The following SLIT3 variants were observed in gnomAD, a reference collection of about 807,000 sequenced individuals.
SLIT3 encodes slit homolog 3 protein.
Under a neutral mutation model 184.0 loss-of-function variants are expected in SLIT3, and 68 were observed. That is an observed-to-expected ratio of 0.37 (90% CI 0.30 to 0.45). The LOEUF (loss-of-function observed/expected upper bound fraction) is 0.45, where lower values mean the gene tolerates loss of function less well. Ranked by LOEUF, SLIT3 falls within the 20% of genes least tolerant of loss-of-function variation. The probability of loss-of-function intolerance (pLI) is 1.00; values close to 1 mark genes in which losing one functional copy is unlikely to be tolerated. For synonymous variants in SLIT3, 831 were observed against 828.6 expected, an observed-to-expected ratio of 1.00 and a Z score of -0.05; for missense variants, 1,707 against 2,026.0, an observed-to-expected ratio of 0.84 and a Z score of 3.02.
intron 9 of SLIT3, among the ~76,000 whole-genome samples, chr5:168,799,825 G>A (rs11747556): frequency 0.54 from 82,227 of 151,860 alleles, 24,197 homozygotes; most frequent in African/African-American, 0.79. Context: ...TATTATTAAT[G>A]TACTCATTTT....
At chr5:168,738,937 C>CAAAAAAAAA (rs34133933) in intron 20 of SLIT3, among the ~76,000 whole-genome samples, 23 of 84,296 alleles carry the variant, frequency 2.7e-4, no homozygotes, top group African/African-American at 1.0e-3. Flanking sequence ...GACTCCATCT[C>CAAAAAAAAA]AAAAAAAAAA....
intron 5 of SLIT3, among the ~76,000 whole-genome samples, chr5:168,856,602 G>A (rs962090016): frequency 1.3e-5 from 2 of 152,164 alleles, no homozygotes; most frequent in African/African-American, 4.8e-5. Context: ...AAACTTGATG[G>A]AAGGAGAAAA....
chr5:168,907,977 T>TAGAGAGAGAGAGAGAG (rs1306645535), intron 4 of SLIT3, among the ~76,000 whole-genome samples: 8 of 62,240 alleles, frequency 1.3e-4, no homozygotes, highest in Admixed American at 4.0e-4. Flanking sequence ...TATATATATA[T>TAGAGAGAGAGAGAGAG]ATAGAGAGAG....
At chr5:169,143,001 G>T (rs573450306) in intron 4 of SLIT3, among the ~76,000 whole-genome samples, 1 of 152,234 alleles carries the variant, frequency 6.6e-6, no homozygotes, top group Non-Finnish European at 1.5e-5. Context: ...GCCCCAGGGA[G>T]AATGATGCTG....
chr5:168,846,779 A>G (rs903851827), intron 5 of SLIT3, among the ~76,000 whole-genome samples: 1 of 152,148 alleles, frequency 6.6e-6, no homozygotes, highest in Non-Finnish European at 1.5e-5. Flanking sequence ...TATTTACTGG[A>G]TTTGTGAAGC....
intron 4 of SLIT3, among the ~76,000 whole-genome samples, chr5:169,002,911 A>G (rs1755769789): frequency 6.6e-6 from 1 of 152,228 alleles, no homozygotes; most frequent in Non-Finnish European, 1.5e-5. Flanking sequence ...TATTAGTTAC[A>G]TATAGGTTTT....
At chr5:168,778,337 C>T (rs772754702) in intron 12 of SLIT3, among the ~76,000 whole-genome samples, 55 of 152,360 alleles carry the variant, frequency 3.6e-4, no homozygotes, top group African/African-American at 1.3e-3. Context: ...GCCTGTTTCA[C>T]TCCAAAGCCA....
chr5:168,711,807 AT>A lies in SLIT3; in HGVS notation c.2555+475del, dbSNP rs1198190123. 3.9e-5 allele frequency among the ~76,000 whole-genome samples: 6 copies of A among 152,234 alleles called. No individual in the cohort carries two copies. The South Asian group carries it at 6.2e-4, about 16-fold the overall frequency. On this transcript the variant is annotated intron_variant, in intron 24 of 35. Transcript: ENST00000519560. ...GTCAAACTTTAGCTAGTCACCTAAT[AT>A]TTATGGGCCTCAGTTTTTCCTGTGT...
intron 4 of SLIT3, among the ~76,000 whole-genome samples, chr5:168,897,097 T>C (rs1249311172): frequency 6.7e-6 from 1 of 149,000 alleles, no homozygotes; most frequent in Middle Eastern, 3.2e-3. Flanking sequence ...GTCTTGGGGC[T>C]TACATTTCAA....
At chr5:168,937,605 C>A (rs1006465496) in intron 4 of SLIT3, among the ~76,000 whole-genome samples, 1 of 152,000 alleles carries the variant, frequency 6.6e-6, no homozygotes, top group African/African-American at 2.4e-5. Context: ...GAACGGGAGG[C>A]CTGGCATTCT....
At chr5:169,133,933 A>G (rs769429718) in intron 4 of SLIT3, among the ~76,000 whole-genome samples, 1 of 152,198 alleles carries the variant, frequency 6.6e-6, no homozygotes. Context: ...TGCCAAACAA[A>G]TTGCTGTACT....
At chr5:169,248,880 C>T (rs1461825299) in intron 2 of SLIT3, among the ~76,000 whole-genome samples, 1 of 152,152 alleles carries the variant, frequency 6.6e-6, no homozygotes, top group African/African-American at 2.4e-5. Flanking sequence ...TCCTTAAATG[C>T]TCTTCATTTG....
intron 4 of SLIT3, among the ~76,000 whole-genome samples, chr5:169,039,835 G>A (rs1401242603): frequency 1.3e-5 from 2 of 152,172 alleles, no homozygotes; most frequent in South Asian, 2.1e-4. Context: ...AACAGGGATT[G>A]TTCTGTTACT....
At chr5:168,880,198 C>T (rs986539860) in intron 5 of SLIT3, among the ~76,000 whole-genome samples, 21 of 152,194 alleles carry the variant, frequency 1.4e-4, no homozygotes, top group Non-Finnish European at 2.8e-4. Flanking sequence ...TCTCCTGCCC[C>T]GACCTTTCCT....
In SLIT3 at chr5:169,145,201, G is replaced by A. The variant is rs567903376; in HGVS notation, c.413+48278C>T. ...CACCTCCTTAGACCTGACCAGAATT[G>A]CCGGGCTCTGGAGAAACCCATTGTT... On this transcript the variant is annotated intron_variant, in intron 4 of 35. Coordinates refer to ENST00000519560, the MANE Select transcript of SLIT3 (RefSeq NM_003062.4). 2.0e-5 allele frequency among the ~76,000 whole-genome samples: 3 copies of A among 152,280 alleles called. No homozygotes were observed. The South Asian group carries it at 6.2e-4, about 32-fold the overall frequency.
intron 4 of SLIT3, among the ~76,000 whole-genome samples, chr5:169,093,364 GC>G (rs1179227830): frequency 6.6e-6 from 1 of 151,430 alleles, no homozygotes; most frequent in Non-Finnish European, 1.5e-5. Context: ...TTATAACTGG[GC>G]AAACTGGAGC....
In SLIT3 at chr5:168,975,290, A is replaced by G. The variant is rs116077005; in HGVS notation, c.414-91954T>C. 9.1e-3 allele frequency among the ~76,000 whole-genome samples: 1,392 copies of G among 152,296 alleles called. 23 individuals are homozygous for G. The highest frequency in any genetic ancestry group is 0.032 in the African/African-American group (1,319 of 41,554). On this transcript the variant is annotated intron_variant, in intron 4 of 35. Coordinates refer to ENST00000519560, the MANE Select transcript of SLIT3 (RefSeq NM_003062.4). ...CTCCAGAGCATGTGGTAGGGCAAGG[A>G]CTGGGGCTTTTCCTAGTGAACTCTG...
At chr5:169,197,577 G>A (rs901621980) in intron 3 of SLIT3, among the ~76,000 whole-genome samples, 4 of 152,124 alleles carry the variant, frequency 2.6e-5, no homozygotes, top group Admixed American at 6.5e-5. Context: ...CTGCTGTTCT[G>A]TTACTCTGGG....
intron 18 of SLIT3, 97 bp downstream of exon 18, chr5:168,752,858 T>C (rs1248878016): frequency 1.1e-5 from 14 of 1,245,316 alleles, no homozygotes; most frequent in African/African-American, 7.5e-5. Context: ...GACAGACAGA[T>C]AGATGAGCCT....
Sources: gnomAD v4.1 joint callset for allele counts (sites outside exome capture counted in the v4.1 genomes callset) on GRCh38, gnomAD v4.1.1 for gene constraint, MANE v1.5 for transcripts, NCBI Gene and HGNC (gene_info 2026-07-23, HGNC 2026-07-21) for gene names.